The following L1TD1 variants were observed in gnomAD, a reference collection of about 807,000 sequenced individuals.
The protein encoded by L1TD1 is LINE1 type transposase domain containing 1.
Under a neutral mutation model 25.7 loss-of-function variants are expected in L1TD1, and 26 were observed. The observed-to-expected ratio is 1.01, with a 90% CI of 0.74 to 1.40. The LOEUF is 1.40. Among genes scored for constraint, L1TD1 ranks in the 40% most tolerant of loss-of-function variants. The pLI is 0.00. For synonymous variants in L1TD1, 421 were observed against 335.6 expected (o/e 1.25, Z -2.78); for missense variants, 1,130 against 975.0 (o/e 1.16, Z -2.12).
chr1:62,206,252 A>G (rs2457830), intron 2 of L1TD1, among the ~76,000 whole-genome samples: 244 of 152,340 alleles, frequency 1.6e-3, no homozygotes, highest in African/African-American at 5.4e-3. Flanking sequence ...CAACAAAGTT[A>G]ATAGTATGGC....
intron 2 of L1TD1, among the ~76,000 whole-genome samples, chr1:62,202,199 C>T (rs1670651460): frequency 6.6e-6 from 1 of 151,884 alleles, no homozygotes; most frequent in African/African-American, 2.4e-5. Flanking sequence ...ACTTGGGAGG[C>T]TTAGGCAGGA....
rs1670813494 is a variant in L1TD1 at position 62,209,366 on chromosome 1, T to A, written c.1009-417T>A. Among the ~76,000 whole-genome samples the A allele has an allele frequency of 2.6e-5, 4 of 151,810 alleles. No individual in the cohort carries two copies. In the South Asian group the frequency reaches 8.3e-4, roughly 32 times the overall value. On this transcript the variant is annotated intron_variant, in intron 3 of 3. Transcript: ENST00000498273. The stretch of plus-strand genomic sequence containing the variant: ...TGAGCCTGGGGTTTTTGTTTGTGTG[T>A]GCTTATGATCTTCCTAAAGCAGATT...
chr1:62,202,530 T>G, intron 2 of L1TD1, among the ~76,000 whole-genome samples: 1 of 135,704 alleles, frequency 7.4e-6, no homozygotes, highest in Non-Finnish European at 1.6e-5. Context: ...CTATCATGCT[T>G]TTTTCTTTTT....
In L1TD1 at chr1:62,210,243, GA is replaced by G; in HGVS notation, c.1472del (p.Lys491ArgfsTer2). On this transcript the variant is annotated frameshift_variant, in exon 4 of 4. Transcript: ENST00000498273. LOFTEE classifies it low-confidence loss of function (END_TRUNC). Reference sequence around the variant, plus strand: ...GAAGAAGGAAAGAGCTCTGAAACAGGAAAGGTAAAGACTACCTCCCTGACTG... The same window carrying G: ...GAAGAAGGAAAGAGCTCTGAAACAGGAAGGTAAAGACTACCTCCCTGACTG... ...EEEEGKSSET[G>X]KVKTTSLTEK... 6.2e-7 allele frequency: 1 copy of G among 1,614,044 alleles called. No individual in the cohort carries two copies. Among genetic ancestry groups the G allele is most frequent in the Admixed American group, 1.7e-5 (1 of 59,994 alleles).
In L1TD1 at chr1:62,206,845, C is replaced by T. The variant is rs756884272; in HGVS notation, c.217C>T (p.Leu73Phe). ...DLMFEEMRET[L>F]KNDLKAVLGG... ...GATGTTTGAGGAGATGAGGGAAACTCTTAAAAATGACCTAAAAGCAGTTTT... is the reference window on the plus strand; with the variant it reads ...GATGTTTGAGGAGATGAGGGAAACTTTTAAAAATGACCTAAAAGCAGTTTT... The change falls in exon 3 of 4, where the codon CTT becomes TTT. Residue 73 changes from leucine (L) to phenylalanine (F), a missense_variant. Transcript: ENST00000498273. The T allele has an allele frequency of 6.2e-7, 1 of 1,611,788 alleles. No individual in the cohort carries two copies. The highest frequency in any genetic ancestry group is 8.5e-7 in the Non-Finnish European group (1 of 1,179,090).
chr1:62,200,714 A>G (rs1041260683), intron 2 of L1TD1, among the ~76,000 whole-genome samples: 1 of 151,962 alleles, frequency 6.6e-6, no homozygotes, highest in Non-Finnish European at 1.5e-5. Context: ...AGGGGAGAGT[A>G]TATGTATTAT....
chr1:62,199,208 G>C (rs892350670), intron 2 of L1TD1, among the ~76,000 whole-genome samples: 2 of 152,136 alleles, frequency 1.3e-5, no homozygotes, highest in Non-Finnish European at 2.9e-5. Flanking sequence ...TTAGCATTTA[G>C]CATTTGAGGC....
chr1:62,198,813 A>G (rs1045164899), intron 2 of L1TD1, among the ~76,000 whole-genome samples: 6 of 151,708 alleles, frequency 4.0e-5, no homozygotes, highest in African/African-American at 1.5e-4. Context: ...ACTTGGGAGT[A>G]CACTGGTGAA....
intron 3 of L1TD1, 50 bp from the exon 4 acceptor site, chr1:62,209,733 A>T: frequency 7.5e-7 from 1 of 1,338,742 alleles, no homozygotes; most frequent in Non-Finnish European, 1.0e-6. Context: ...TTTAAAAGAC[A>T]AATGATTTAA....
intron 2 of L1TD1, among the ~76,000 whole-genome samples, chr1:62,197,906 A>AAAACG (rs1046117179): frequency 6.0e-5 from 9 of 149,426 alleles, no homozygotes; most frequent in African/African-American, 2.2e-4. Flanking sequence ...AAAACAAAAC[A>AAAACG]AAACCCTGTA....
Position 62,211,008 on chromosome 1 carries a change from G to A in L1TD1, c.2234G>A (p.Arg745Gln), listed in dbSNP as rs1004675385. 27 of 1,546,384 alleles carry A rather than the reference G, an allele frequency of 1.7e-5. No homozygotes were observed. The highest frequency in any genetic ancestry group is 3.6e-5 in the South Asian group (3 of 82,492). The change falls in exon 4 of 4, where the codon CGA becomes CAA. Residue 745 changes from arginine (R) to glutamine (Q), a missense_variant. Coordinates refer to ENST00000498273, the MANE Select transcript of L1TD1 (RefSeq NM_019079.5). Reference sequence around the variant, plus strand: ...AGTCTTGAGATTGTCAGTGCTTGTCGAGTACCTAGTAAAATTGATGAAAAG... The same window carrying A: ...AGTCTTGAGATTGTCAGTGCTTGTCAAGTACCTAGTAAAATTGATGAAAAG... ...GSSLEIVSAC[R>Q]VPSKIDEKRL...
intron 2 of L1TD1, among the ~76,000 whole-genome samples, chr1:62,200,419 C>A (rs947509182): frequency 1.3e-5 from 2 of 152,160 alleles, no homozygotes; most frequent in Non-Finnish European, 2.9e-5. Flanking sequence ...GATCCGCCTG[C>A]CTTGGCCTTC....
intron 2 of L1TD1, among the ~76,000 whole-genome samples, chr1:62,203,572 G>A (rs960000595): frequency 6.6e-6 from 1 of 151,578 alleles, no homozygotes. Flanking sequence ...GTGCCACCAC[G>A]TCTGGCTAAT....
chr1:62,200,009 A>T lies in L1TD1; in HGVS notation c.-111+3481A>T, dbSNP rs143347065. 4.6e-5 allele frequency among the ~76,000 whole-genome samples: 7 copies of T among 152,222 alleles called. No individual in the cohort carries two copies. The East Asian group carries it at 1.4e-3, about 29-fold the overall frequency. On this transcript the variant is annotated intron_variant, in intron 2 of 3. Transcript: ENST00000498273. The stretch of plus-strand genomic sequence containing the variant: ...TTGGATTGTACTCTATATTTTCTGC[A>T]CCATTTTTTCCCTCTAGTATACCAA...
chr1:62,206,136 GATTCT>G (rs1418472122), intron 2 of L1TD1, among the ~76,000 whole-genome samples: 2 of 152,166 alleles, frequency 1.3e-5, no homozygotes, highest in Non-Finnish European at 1.5e-5. Context: ...TTTTGCGTAA[GATTCT>G]ATTCAAGTTA....
At chr1:62,203,630 G>A (rs577247845) in intron 2 of L1TD1, among the ~76,000 whole-genome samples, 35 of 152,270 alleles carry the variant, frequency 2.3e-4, no homozygotes, top group African/African-American at 5.8e-4. Flanking sequence ...TCAGGCTGGA[G>A]TGCAGTGGCA....
intron 2 of L1TD1, among the ~76,000 whole-genome samples, chr1:62,199,022 T>G: frequency 6.6e-6 from 1 of 152,142 alleles, no homozygotes; most frequent in East Asian, 1.9e-4. Flanking sequence ...TTTTGATGGC[T>G]ACCATCCAAC....
At position 62,206,901 on chromosome 1, in the gene L1TD1, G is replaced by A; in HGVS notation, c.273G>A (p.Lys91=). 6.2e-7 allele frequency: 1 copy of A among 1,613,762 alleles called. No homozygotes were observed. Among genetic ancestry groups the A allele is most frequent in the Non-Finnish European group, 8.5e-7 (1 of 1,179,898 alleles). Reference sequence around the variant, plus strand: ...GAAAAGCTACAATACCTGAGGTAAAGAATTCAGAGAACTCCAGTAGTAGGA... The same window carrying A: ...GAAAAGCTACAATACCTGAGGTAAAAAATTCAGAGAACTCCAGTAGTAGGA... ...LGGKATIPEV[K]NSENSSSRTE... The change falls in exon 3 of 4, where the codon AAG becomes AAA. Residue 91 remains lysine, a synonymous_variant. Coordinates refer to ENST00000498273, the MANE Select transcript of L1TD1 (RefSeq NM_019079.5).
chr1:62,195,452 C>G (rs1042496473), intron 1 of L1TD1, among the ~76,000 whole-genome samples: 2 of 152,238 alleles, frequency 1.3e-5, no homozygotes, highest in Admixed American at 6.5e-5. Context: ...CAAGTCCTAG[C>G]TTTAGAAAAA....
Sources: gnomAD v4.1 joint callset for allele counts (sites outside exome capture counted in the v4.1 genomes callset) on GRCh38, gnomAD v4.1.1 for gene constraint, MANE v1.5 for transcripts, NCBI Gene and HGNC (gene_info 2026-07-23, HGNC 2026-07-21) for gene names.